MAP3K4: variants seen among roughly 807,000 people sequenced by gnomAD.
MAP3K4 encodes the protein mitogen-activated protein kinase kinase kinase 4, also known as MAP three kinase 1.
MAP3K4 carries 67 observed loss-of-function variants against 185.6 expected under a neutral mutation model. That is an observed-to-expected ratio of 0.36 (90% CI 0.30 to 0.44). The LOEUF (loss-of-function observed/expected upper bound fraction) is 0.44, where lower values mean the gene tolerates loss of function less well. MAP3K4 is among the 20% of genes least tolerant of loss of function. The probability of loss-of-function intolerance (pLI) is 1.00; values close to 1 mark genes in which losing one functional copy is unlikely to be tolerated. For missense variants in MAP3K4, 1,551 were observed against 1,995.1 expected, an observed-to-expected ratio of 0.78 and a Z score of 4.24; for synonymous variants, 702 against 710.4, an observed-to-expected ratio of 0.99 and a Z score of 0.19.
chr6:161,072,858 C>T (rs76739320), intron 4 of MAP3K4, among the ~76,000 whole-genome samples: 3,090 of 152,164 alleles, frequency 0.02, 118 homozygotes, highest in African/African-American at 0.07. Context: ...AGGTTATTAC[C>T]TATTAGATCT....
At chr6:161,040,873 C>T (rs533554822) in intron 2 of MAP3K4, among the ~76,000 whole-genome samples, 1 of 152,354 alleles carries the variant, frequency 6.6e-6, no homozygotes, top group East Asian at 1.9e-4. Context: ...CTGTGAGGTC[C>T]ACCCACTTTC....
rs976947594 is a variant in MAP3K4 at position 161,101,017 on chromosome 6, A to G, written c.3675-875A>G. On this transcript the variant is annotated intron_variant, in intron 17 of 26. Coordinates refer to ENST00000392142, the MANE Select transcript of MAP3K4 (RefSeq NM_005922.4). The surrounding 1 kb of genome is among the most constrained non-coding windows in gnomAD (Gnocchi z 5.1). The stretch of plus-strand genomic sequence containing the variant: ...AGATCATGTTGCCTTCAACCTATCA[A>G]TGTATAATAAGAGCATAAATGCTAC... The G allele has an allele frequency of 6.6e-6, 1 of 152,254 alleles. No homozygotes were observed. Among genetic ancestry groups the G allele is most frequent in the Non-Finnish European group, 1.5e-5 (1 of 68,046 alleles). 9.4% of individuals were successfully genotyped at this position (152,254 alleles called of 1,614,324 possible).
At chr6:161,026,377 T>C (rs9458099) in intron 1 of MAP3K4, among the ~76,000 whole-genome samples, 2,008 of 152,172 alleles carry the variant, frequency 0.013, 55 homozygotes, top group African/African-American at 0.046. Context: ...CCTCGTGATC[T>C]GCCCTCCTTG....
At chr6:160,998,296 C>T (rs1018328749) in intron 1 of MAP3K4, among the ~76,000 whole-genome samples, 13 of 152,044 alleles carry the variant, frequency 8.6e-5, no homozygotes, top group Non-Finnish European at 1.8e-4. Flanking sequence ...TCAGTGTGAT[C>T]GCATTTTAAA....
chr6:161,033,831 G>A (rs1783036390), intron 1 of MAP3K4, among the ~76,000 whole-genome samples: 1 of 152,204 alleles, frequency 6.6e-6, no homozygotes, highest in South Asian at 2.1e-4. Flanking sequence ...GAAGTTCAGA[G>A]CAGGACTGAA....
chr6:161,089,216 G>A, intron 10 of MAP3K4, 106 bp from the exon 11 acceptor site: 1 of 1,223,686 alleles, frequency 8.2e-7, no homozygotes. Context: ...GATGGTTGTT[G>A]GCCTGGTATC....
At chr6:161,025,470 G>T (rs1367211284) in intron 1 of MAP3K4, among the ~76,000 whole-genome samples, 1 of 152,160 alleles carries the variant, frequency 6.6e-6, no homozygotes, top group African/African-American at 2.4e-5. Flanking sequence ...ATATTTCCTT[G>T]TTTTATCCTC....
chr6:161,108,895 A>G lies in MAP3K4; in HGVS notation c.4236+36A>G. The G allele has an allele frequency of 6.3e-7, 1 of 1,594,258 alleles. No individual in the cohort carries two copies. Among genetic ancestry groups the G allele is most frequent in the Non-Finnish European group, 8.6e-7 (1 of 1,161,972 alleles). On this transcript the variant is annotated intron_variant, in intron 22 of 26. Coordinates refer to ENST00000392142, the MANE Select transcript of MAP3K4 (RefSeq NM_005922.4). This position sits in a 1 kb window ranked among gnomAD's most constrained non-coding sequence, Gnocchi z 5.7. ...CCTAATGCCACTCTTTGTGTGAGGA[A>G]TCAGTGAGGGCACAGAATGGAGTCC...
intron 1 of MAP3K4, among the ~76,000 whole-genome samples, chr6:161,033,745 C>T (rs900210520): frequency 6.6e-6 from 1 of 152,130 alleles, no homozygotes; most frequent in African/African-American, 2.4e-5. Flanking sequence ...TCGTGCTTTG[C>T]TGTGTGGATC....
chr6:161,057,286 A>G (rs996206463), intron 3 of MAP3K4, among the ~76,000 whole-genome samples: 13 of 152,224 alleles, frequency 8.5e-5, no homozygotes, highest in African/African-American at 3.1e-4. Flanking sequence ...TAGGAAATCA[A>G]TAACAGCAGC....
At chr6:161,092,229 G>T in intron 13 of MAP3K4, 86 bp downstream of exon 13, 1 of 1,458,764 alleles carries the variant, frequency 6.9e-7, no homozygotes, top group Non-Finnish European at 9.4e-7. Context: ...TTCTTTTTGA[G>T]CAGACGACAC....
intron 1 of MAP3K4, among the ~76,000 whole-genome samples, chr6:161,016,114 T>A (rs1782094307): frequency 6.6e-6 from 1 of 152,202 alleles, no homozygotes; most frequent in Non-Finnish European, 1.5e-5. Context: ...TAGTTTTGAT[T>A]TGCATTTTTC....
chr6:161,113,451 ACATGTTAGTATGTGTATGTCCAAACC>A lies in MAP3K4; in HGVS notation c.4626+681_4626+706del, dbSNP rs926105688. Among the ~76,000 whole-genome samples, 119 of 152,318 alleles carry A rather than the reference ACATGTTAGTATGTGTATGTCCAAACC, an allele frequency of 7.8e-4. 2 individuals carry two copies. Among genetic ancestry groups the A allele is most frequent in the Non-Finnish European group, 4.1e-4 (28 of 68,026 alleles). ...TCTGTAGGATACACTGATGATAGATACATGTTAGTATGTGTATGTCCAAACCCATAGAATGTGCAACAGAGTGAACC... is the reference window on the plus strand; with the variant it reads ...TCTGTAGGATACACTGATGATAGATACATAGAATGTGCAACAGAGTGAACC... On this transcript the variant is annotated intron_variant, in intron 25 of 26. Coordinates refer to ENST00000392142, the MANE Select transcript of MAP3K4 (RefSeq NM_005922.4).
intron 1 of MAP3K4, among the ~76,000 whole-genome samples, chr6:161,000,798 T>G (rs1025700915): frequency 6.8e-6 from 1 of 146,578 alleles, no homozygotes; most frequent in Non-Finnish European, 1.5e-5. Flanking sequence ...TACACACATG[T>G]GTACACCCAT....
chr6:161,040,411 G>A (rs965723120), intron 2 of MAP3K4, among the ~76,000 whole-genome samples: 8 of 151,808 alleles, frequency 5.3e-5, no homozygotes, highest in Non-Finnish European at 1.0e-4. Context: ...TTTAGAAAAC[G>A]TGAGGAATCA....
intron 1 of MAP3K4, among the ~76,000 whole-genome samples, chr6:161,001,492 G>T (rs1038353719): frequency 4.6e-5 from 7 of 151,990 alleles, no homozygotes; most frequent in African/African-American, 7.3e-5. Context: ...TGTCCTCAGA[G>T]CCCCTGCAGT....
At chr6:160,994,346 C>T (rs1194732482) in intron 1 of MAP3K4, among the ~76,000 whole-genome samples, 1 of 152,150 alleles carries the variant, frequency 6.6e-6, no homozygotes, top group Non-Finnish European at 1.5e-5. Flanking sequence ...TACGCCTTTG[C>T]ATCCTCCTAG....
In MAP3K4 at chr6:161,108,782, A is replaced by G; in HGVS notation, c.4159A>G (p.Thr1387Ala). The G allele has an allele frequency of 6.2e-7, 1 of 1,614,146 alleles. No individual in the cohort carries two copies. Among genetic ancestry groups the G allele is most frequent in the Non-Finnish European group, 8.5e-7 (1 of 1,179,958 alleles). Residue 1387 changes from threonine (T) to alanine (A), a missense_variant, in exon 22 of 27, where the codon ACT becomes GCT. This residue lies in a region of MAP3K4 where 159 missense variants were observed against 300.5 expected (regional missense o/e 0.53). Transcript: ENST00000392142. This position sits in a 1 kb window ranked among gnomAD's most constrained non-coding sequence, Gnocchi z 5.7. ...QPNDHKTIKE[T>A]ADELKIFEGI... ...TAATGACCATAAGACTATCAAGGAA[A>G]CTGCAGACGAATTGAAAATATTCGA...
chr6:161,007,930 G>GA lies in MAP3K4; in HGVS notation c.152+15852dup, dbSNP rs1252773180. On this transcript the variant is annotated intron_variant, in intron 1 of 26. Transcript: ENST00000392142. This position sits in a 1 kb window ranked among gnomAD's most constrained non-coding sequence, Gnocchi z 4.5. ...AAATATCAGAGATGTTAAAATTAGGGAAAAACGTGTGTTTTAAAATCAGTG... is the reference window on the plus strand; with the variant it reads ...AAATATCAGAGATGTTAAAATTAGGGAAAAAACGTGTGTTTTAAAATCAGTG... Among the ~76,000 whole-genome samples, 3 of 152,152 alleles carry GA rather than the reference G, an allele frequency of 2.0e-5. No homozygotes were observed. Among genetic ancestry groups the GA allele is most frequent in the South Asian group, 2.1e-4 (1 of 4,826 alleles).
Sources: gnomAD v4.1 joint callset for allele counts (sites outside exome capture counted in the v4.1 genomes callset) on GRCh38, gnomAD v4.1.1 for gene constraint, gnomAD v4.1.1 regional missense constraint, Gnocchi (gnomAD v3.1) non-coding constraint, MANE v1.5 for transcripts, NCBI Gene and HGNC (gene_info 2026-07-23, HGNC 2026-07-21) for gene names.